The following SNX31 variants were observed in gnomAD, a reference collection of about 807,000 sequenced individuals.
SNX31 encodes the protein sorting nexin-31.
Under a neutral mutation model 65.4 loss-of-function variants are expected in SNX31, and 58 were observed. That is an observed-to-expected ratio of 0.89 (90% CI 0.72 to 1.10). The LOEUF (loss-of-function observed/expected upper bound fraction) is 1.10, where lower values mean the gene tolerates loss of function less well. Ranked by LOEUF, SNX31 falls within the 50% of genes least tolerant of loss-of-function variation. The pLI, the probability that SNX31 is intolerant of heterozygous loss-of-function variation, is 0.00. For synonymous variants in SNX31, 181 were observed against 190.1 expected, an observed-to-expected ratio of 0.95 and a Z score of 0.39; for missense variants, 523 against 529.7, an observed-to-expected ratio of 0.99 and a Z score of 0.12.
intron 2 of SNX31, among the ~76,000 whole-genome samples, chr8:100,639,714 A>T (rs1819022473): frequency 6.6e-6 from 1 of 152,148 alleles, no homozygotes; most frequent in South Asian, 2.1e-4. Context: ...AGCTGAGAGG[A>T]CCTAGATGCA....
intron 12 of SNX31, among the ~76,000 whole-genome samples, chr8:100,580,118 C>T (rs1246801293): frequency 1.4e-5 from 2 of 146,814 alleles, no homozygotes; most frequent in Admixed American, 6.9e-5. Context: ...GCTGAGATTG[C>T]ACCACTGCAC....
At chr8:100,633,236 T>C (rs1818529574) in intron 3 of SNX31, among the ~76,000 whole-genome samples, 1 of 151,964 alleles carries the variant, frequency 6.6e-6, no homozygotes, top group Non-Finnish European at 1.5e-5. Flanking sequence ...GCCTAATTGT[T>C]GGTGAAGTTT....
chr8:100,646,079 G>A (rs984982356), intron 2 of SNX31, among the ~76,000 whole-genome samples: 4 of 152,074 alleles, frequency 2.6e-5, no homozygotes, highest in African/African-American at 9.7e-5. Context: ...AAAGACTATC[G>A]GGGCCAAGGG....
intron 3 of SNX31, among the ~76,000 whole-genome samples, chr8:100,632,142 G>A (rs1398965503): frequency 1.3e-5 from 2 of 152,110 alleles, no homozygotes; most frequent in African/African-American, 4.8e-5. Flanking sequence ...TGAGTCATGA[G>A]GCTAAGCTGT....
At position 100,610,548 on chromosome 8, in the gene SNX31, C is replaced by T. The variant is rs926262710; in HGVS notation, c.611+1452G>A. ...GAAACTGAGGCTTAGAGAGCTTGAA[C>T]GACTTGGCTAGGTTTACGCAGCTAA... On this transcript the variant is annotated intron_variant, in intron 7 of 13. Transcript: ENST00000311812. The surrounding 1 kb of genome is among the most constrained non-coding windows in gnomAD (Gnocchi z 4.0). Among the ~76,000 whole-genome samples the T allele has an allele frequency of 3.9e-5, 6 of 152,292 alleles. No homozygotes were observed. The highest frequency in any genetic ancestry group is 7.2e-5 in the African/African-American group (3 of 41,552).
At chr8:100,579,278 T>A (rs937884986) in intron 12 of SNX31, among the ~76,000 whole-genome samples, 1 of 152,204 alleles carries the variant, frequency 6.6e-6, no homozygotes, top group Non-Finnish European at 1.5e-5. Flanking sequence ...ATTTCTGACA[T>A]AATCAGTTTC....
At chr8:100,661,281 C>T (rs1382849099) in intron 1 of SNX31, among the ~76,000 whole-genome samples, 2 of 152,098 alleles carry the variant, frequency 1.3e-5, no homozygotes, top group Non-Finnish European at 2.9e-5. Flanking sequence ...GCTGGGATTA[C>T]AGGCGTGAGC....
At chr8:100,592,930 T>C (rs893730667) in intron 10 of SNX31, among the ~76,000 whole-genome samples, 1 of 152,246 alleles carries the variant, frequency 6.6e-6, no homozygotes, top group African/African-American at 2.4e-5. Context: ...GGTTACCTCC[T>C]CATGCCGGAC....
At chr8:100,581,321 A>ATATC (rs1188651921) in intron 12 of SNX31, among the ~76,000 whole-genome samples, 79 of 123,462 alleles carry the variant, frequency 6.4e-4, no homozygotes, top group African/African-American at 1.4e-3. Context: ...TTATATATCT[A>ATATC]TATCTATCTA....
chr8:100,653,357 GTGTCC>G (rs1274579724), upstream of SNX31, among the ~76,000 whole-genome samples: 1 of 152,244 alleles, frequency 6.6e-6, no homozygotes, highest in Non-Finnish European at 1.5e-5. Flanking sequence ...TGGTTGAATA[GTGTCC>G]TGATTTGGAA....
intron 4 of SNX31, among the ~76,000 whole-genome samples, chr8:100,624,175 T>C (rs1175489823): frequency 6.6e-6 from 1 of 152,090 alleles, no homozygotes; most frequent in African/African-American, 2.4e-5. Context: ...AATAGCTGGG[T>C]GCTATGGCAT....
At chr8:100,624,014 G>C (rs1817881050) in intron 4 of SNX31, among the ~76,000 whole-genome samples, 1 of 151,572 alleles carries the variant, frequency 6.6e-6, no homozygotes, top group Admixed American at 6.6e-5. Context: ...GGGAGGTGGG[G>C]GGATGCGGGG....
chr8:100,640,646 C>T (rs1399020099), intron 2 of SNX31, among the ~76,000 whole-genome samples: 11 of 152,174 alleles, frequency 7.2e-5, no homozygotes. Context: ...ACTCTTGATA[C>T]GATGTGATTA....
chr8:100,580,479 T>TG (rs1276171505), intron 12 of SNX31, among the ~76,000 whole-genome samples: 11 of 152,302 alleles, frequency 7.2e-5, no homozygotes, highest in Non-Finnish European at 1.6e-4. Flanking sequence ...CAGACTCCCT[T>TG]GCAGCTAGGT....
rs1332072757 is a variant in SNX31 at position 100,576,141 on chromosome 8, A to G, written c.1227+878T>C. ...CAGAAGTGCTGTGATTATGAAGGAG[A>G]ATGCTTTTATGCATTTCTGCTAGTT... is the stretch of plus-strand genomic sequence containing the variant. On this transcript the variant is annotated intron_variant, in intron 13 of 13. Coordinates refer to ENST00000311812, the MANE Select transcript of SNX31 (RefSeq NM_152628.4). The surrounding 1 kb of genome is among the most constrained non-coding windows in gnomAD (Gnocchi z 4.8). 6.6e-6 allele frequency among the ~76,000 whole-genome samples: 1 copy of G among 152,116 alleles called. No homozygotes were observed. Among genetic ancestry groups the G allele is most frequent in the African/African-American group, 2.4e-5 (1 of 41,414 alleles).
In SNX31 at chr8:100,630,768, AAATTT is replaced by A. The variant is rs1818358159; in HGVS notation, c.257-382_257-378del. Among the ~76,000 whole-genome samples the A allele has an allele frequency of 1.3e-5, 2 of 152,226 alleles. No individual in the cohort carries two copies. Among genetic ancestry groups the A allele is most frequent in the African/African-American group, 4.8e-5 (2 of 41,460 alleles). ...CCTAGCAAGACACAGGGTAATTTGAAAATTTAATTCAACCAAGAAACATCAACTGA... is the reference window on the plus strand; with the variant it reads ...CCTAGCAAGACACAGGGTAATTTGAAAATTCAACCAAGAAACATCAACTGA... On this transcript the variant is annotated intron_variant, in intron 3 of 13. Transcript: ENST00000311812. This position sits in a 1 kb window ranked among gnomAD's most constrained non-coding sequence, Gnocchi z 5.3.
intron 7 of SNX31, 73 bp downstream of exon 7, chr8:100,611,927 G>A (rs1816745499): frequency 1.7e-6 from 2 of 1,160,932 alleles, no homozygotes; most frequent in African/African-American, 1.5e-5. Flanking sequence ...GGATGTGACG[G>A]GACTCTGGTA....
At position 100,644,738 on chromosome 8, in the gene SNX31, C is replaced by A. The variant is rs556575080; in HGVS notation, c.141+4536G>T. Among the ~76,000 whole-genome samples, 4 of 152,254 alleles carry A rather than the reference C, an allele frequency of 2.6e-5. No homozygotes were observed. The South Asian group carries it at 6.2e-4, about 24-fold the overall frequency. On this transcript the variant is annotated intron_variant, in intron 2 of 13. Coordinates refer to ENST00000311812, the MANE Select transcript of SNX31 (RefSeq NM_152628.4). ...GGAGTGCAGTGGTGGGATCTCAGCT[C>A]ACTGCAATCTGTGCCTCCTGGGTTC...
chr8:100,599,046 G>T (rs1315324027), intron 9 of SNX31, among the ~76,000 whole-genome samples: 1 of 152,212 alleles, frequency 6.6e-6, no homozygotes, highest in Non-Finnish European at 1.5e-5. Flanking sequence ...TCCATTAGCA[G>T]AAGAACTTGA....
Sources: allele counts gnomAD v4.1 joint callset (sites outside exome capture counted in the v4.1 genomes callset), GRCh38; gene constraint gnomAD v4.1.1; non-coding constraint Gnocchi (gnomAD v3.1); transcripts MANE v1.5; gene names NCBI Gene and HGNC (gene_info 2026-07-23, HGNC 2026-07-21).